Variants in PCDHGA10 observed in about 807,000 individuals in gnomAD.
PCDHGA10 encodes protocadherin gamma subfamily A, 10.
In PCDHGA10, 42 loss-of-function variants were observed where a neutral mutation model predicts 59.5. The ratio of observed to expected loss-of-function variants is 0.71; its 90% CI spans 0.55 to 0.91. The LOEUF is 0.91. PCDHGA10 is among the 40% of genes least tolerant of loss of function. PCDHGA10 has a pLI of 0.00. For missense variants in PCDHGA10, 1,111 were observed against 1,198.2 expected (o/e 0.93, Z 1.07); for synonymous variants, 511 against 517.2 (o/e 0.99, Z 0.16).
chr5:141,511,373 G>T lies in PCDHGA10; in HGVS notation c.*200G>T. On this transcript the variant is annotated 3_prime_UTR_variant, in exon 4 of 4. Transcript: ENST00000398610. ...CCCCCAGGGGGTTGAATATGCAAAA[G>T]CAGTTCCGCTGGGAACCCCCATCCA... 8.0e-7 allele frequency: 1 copy of T among 1,251,332 alleles called. No homozygotes were observed. The highest frequency in any genetic ancestry group is 1.6e-5 in the South Asian group (1 of 63,796). The allele number at this position is 1,251,332 out of a possible 1,614,324, so 77.5% of individuals were successfully genotyped here.
Position 141,476,374 on chromosome 5 carries a change from G to A in PCDHGA10, c.2437-18433G>A. 1.2e-6 allele frequency: 2 copies of A among 1,614,178 alleles called. No individual in the cohort carries two copies. Among genetic ancestry groups the A allele is most frequent in the Non-Finnish European group, 1.7e-6 (2 of 1,180,044 alleles). On this transcript the variant is annotated intron_variant, in intron 1 of 3. Transcript: ENST00000398610. This position sits in a 1 kb window ranked among gnomAD's most constrained non-coding sequence, Gnocchi z 7.6. ...AGGTGAACCGGGAGACCGGAGAGATGTTTGTGAACGACCGTCTGGATCGAG... is the reference window on the plus strand; with the variant it reads ...AGGTGAACCGGGAGACCGGAGAGATATTTGTGAACGACCGTCTGGATCGAG...
rs1014896576 is a variant in PCDHGA10, at chr5:141,512,427, C to T, written c.*1254C>T. 6.5e-6 allele frequency: 1 copy of T among 152,788 alleles called. No individual in the cohort carries two copies. Among genetic ancestry groups the T allele is most frequent in the African/African-American group, 2.4e-5 (1 of 41,460 alleles). The allele number at this position is 152,788 out of a possible 1,614,324, so 9.5% of individuals were successfully genotyped here. A position where few individuals can be genotyped will look rare whatever the true frequency, so the allele number is the denominator to read the frequency against. On this transcript the variant is annotated 3_prime_UTR_variant, in exon 4 of 4. Transcript: ENST00000398610. ...GGGCTTCTTCAACAGGGCCCCTGCC[C>T]TCCTGAAGCCTCAGTCCTTCACCTT...
intron 1 of PCDHGA10, among the ~76,000 whole-genome samples, chr5:141,470,694 ATAATTT>A (rs2099236876): frequency 6.6e-6 from 1 of 151,978 alleles, no homozygotes; most frequent in African/African-American, 2.4e-5. Context: ...GAAATTCTTA[ATAATTT>A]TTATTTTATT....
rs756332070 is a variant in PCDHGA10, at chr5:141,431,578, C to A, written c.2436+15967C>A. The stretch of plus-strand genomic sequence containing the variant: ...ACGCTACCGACCCTGACGAAGGAGT[C>A]AATGCGGAAGTGAGGTATTCCTTCC... On this transcript the variant is annotated intron_variant, in intron 1 of 3. Transcript: ENST00000398610. This position sits in a 1 kb window ranked among gnomAD's most constrained non-coding sequence, Gnocchi z 4.8. 6.2e-7 allele frequency: 1 copy of A among 1,614,164 alleles called. No homozygotes were observed. Among genetic ancestry groups the A allele is most frequent in the African/African-American group, 1.3e-5 (1 of 75,060 alleles).
At chr5:141,430,084 A>G (rs538721051) in intron 1 of PCDHGA10, among the ~76,000 whole-genome samples, 2 of 152,292 alleles carry the variant, frequency 1.3e-5, no homozygotes, top group Admixed American at 1.3e-4. Context: ...AATATCATGA[A>G]AATTTGATTT....
At chr5:141,421,548 G>C in intron 1 of PCDHGA10, 1 of 1,613,984 alleles carries the variant, frequency 6.2e-7, no homozygotes, top group Non-Finnish European at 8.5e-7. Flanking sequence ...TTTTAAATAT[G>C]GAACTTCTCG....
At chr5:141,502,866 C>CTTTTTTTT (rs549047197) in intron 2 of PCDHGA10, among the ~76,000 whole-genome samples, 38,988 of 127,080 alleles carry the variant, frequency 0.31, 7,978 homozygotes, top group African/African-American at 0.51. Flanking sequence ...GACTCTCTGT[C>CTTTTTTTT]TTTTTTTTTT....
In PCDHGA10 at chr5:141,431,265, G is replaced by T; in HGVS notation, c.2436+15654G>T. On this transcript the variant is annotated intron_variant, in intron 1 of 3. Transcript: ENST00000398610. The surrounding 1 kb of genome is among the most constrained non-coding windows in gnomAD (Gnocchi z 4.8). ...GATATCGGGAAGAACTCTCTGCAGAGCTACGAGCTCAGCCCGAACACTCAC... is the reference window on the plus strand; with the variant it reads ...GATATCGGGAAGAACTCTCTGCAGATCTACGAGCTCAGCCCGAACACTCAC... 1 of 1,614,168 alleles carries T rather than the reference G, an allele frequency of 6.2e-7. No homozygotes were observed. The highest frequency in any genetic ancestry group is 8.5e-7 in the Non-Finnish European group (1 of 1,180,054).
intron 1 of PCDHGA10, among the ~76,000 whole-genome samples, chr5:141,466,637 A>G (rs944728391): frequency 1.1e-4 from 16 of 152,234 alleles, no homozygotes; most frequent in Admixed American, 8.5e-4. Flanking sequence ...CATTGTCTCC[A>G]TAAACTTTTC....
At chr5:141,463,532 T>G (rs1237301892) in intron 1 of PCDHGA10, among the ~76,000 whole-genome samples, 1 of 133,692 alleles carries the variant, frequency 7.5e-6, no homozygotes, top group African/African-American at 2.8e-5. Flanking sequence ...TACTAGAAAC[T>G]CCGGCTCCCG....
chr5:141,471,058 T>C (rs991869999), intron 1 of PCDHGA10, among the ~76,000 whole-genome samples: 2 of 149,826 alleles, frequency 1.3e-5, no homozygotes, highest in Non-Finnish European at 3.0e-5. Context: ...TTTTTTTTTT[T>C]TTTTTTTTGA....
chr5:141,436,635 A>G (rs953396225), intron 1 of PCDHGA10, among the ~76,000 whole-genome samples: 8 of 152,184 alleles, frequency 5.3e-5, no homozygotes, highest in African/African-American at 1.9e-4. Context: ...ACAACATGCA[A>G]TTAATTAACA....
intron 2 of PCDHGA10, among the ~76,000 whole-genome samples, chr5:141,500,189 TTTATTTATTTA>T (rs1562193895): frequency 9.9e-5 from 11 of 110,956 alleles, no homozygotes; most frequent in Middle Eastern, 4.3e-3. Flanking sequence ...TTTATTTTTA[TTTATTTATTTA>T]TTTATTTATT....
At position 141,485,257 on chromosome 5, in the gene PCDHGA10, T is replaced by G. The variant is rs1251686604; in HGVS notation, c.2437-9550T>G. 1.9e-6 allele frequency: 3 copies of G among 1,614,036 alleles called. No homozygotes were observed. The highest frequency in any genetic ancestry group is 2.5e-6 in the Non-Finnish European group (3 of 1,180,006). ...TCTTTTACCACCTGGGTTACGTTTG[T>G]GGGCAGATCCGCTACCCGGTCCCAG... On this transcript the variant is annotated intron_variant, in intron 1 of 3. Coordinates refer to ENST00000398610, the MANE Select transcript of PCDHGA10 (RefSeq NM_018913.3). The surrounding 1 kb of genome is among the most constrained non-coding windows in gnomAD (Gnocchi z 5.7).
chr5:141,419,571 G>C, intron 1 of PCDHGA10: 1 of 1,611,704 alleles, frequency 6.2e-7, no homozygotes. Context: ...GGTCCCGACG[G>C]CTCCGCGCTC....
chr5:141,423,348 C>G, intron 1 of PCDHGA10: 1 of 1,614,222 alleles, frequency 6.2e-7, no homozygotes. Flanking sequence ...TCTTCCTGGT[C>G]TTTGTCATCG....
chr5:141,490,482 G>A lies in PCDHGA10; in HGVS notation c.2437-4325G>A. On this transcript the variant is annotated intron_variant, in intron 1 of 3. Coordinates refer to ENST00000398610, the MANE Select transcript of PCDHGA10 (RefSeq NM_018913.3). The surrounding 1 kb of genome is among the most constrained non-coding windows in gnomAD (Gnocchi z 5.4). ...TGCTAACCAGCCAGCCTTTGGACCG[G>A]GAGGCCACATCCCACTATATCATCG... 2.5e-6 allele frequency: 4 copies of A among 1,614,154 alleles called. No homozygotes were observed. In the South Asian group the frequency reaches 4.4e-5, roughly 18 times the overall value.
intron 1 of PCDHGA10, among the ~76,000 whole-genome samples, chr5:141,480,704 G>A (rs545986902): frequency 8.5e-5 from 13 of 152,206 alleles, no homozygotes; most frequent in East Asian, 5.8e-4. Flanking sequence ...GCCACACCCC[G>A]ACAAATGAAA....
intron 1 of PCDHGA10, among the ~76,000 whole-genome samples, chr5:141,483,010 G>C (rs574078222): frequency 6.6e-6 from 1 of 152,006 alleles, no homozygotes; most frequent in Non-Finnish European, 1.5e-5. Flanking sequence ...GCTTGAACCC[G>C]GGAGGCAGAG....
Sources: allele counts gnomAD v4.1 joint callset (sites outside exome capture counted in the v4.1 genomes callset), GRCh38; gene constraint gnomAD v4.1.1; non-coding constraint Gnocchi (gnomAD v3.1); transcripts MANE v1.5; gene names NCBI Gene and HGNC (gene_info 2026-07-23, HGNC 2026-07-21).